KIAA1217: variants seen among roughly 807,000 people sequenced by gnomAD.
KIAA1217 encodes KIAA1217.
Under a neutral mutation model 163.9 loss-of-function variants are expected in KIAA1217, and 88 were observed. That is an observed-to-expected ratio of 0.54 (90% confidence interval 0.45 to 0.64). KIAA1217 has a LOEUF of 0.64. Ranked by LOEUF, KIAA1217 falls within the 30% of genes least tolerant of loss-of-function variation. KIAA1217 has a pLI of 0.00. For synonymous variants in KIAA1217, 903 were observed against 923.1 expected (o/e 0.98, Z 0.39); for missense variants, 2,372 against 2,475.0 (o/e 0.96, Z 0.88).
intron 2 of KIAA1217, among the ~76,000 whole-genome samples, chr10:24,026,880 CTA>C (rs1847978412): frequency 6.6e-6 from 1 of 150,716 alleles, no homozygotes; most frequent in South Asian, 2.1e-4. Context: ...ATGGTATAAG[CTA>C]TATAATATCA....
intron 1 of KIAA1217, among the ~76,000 whole-genome samples, chr10:23,785,346 C>T (rs199563700): frequency 6.6e-6 from 1 of 152,116 alleles, no homozygotes; most frequent in East Asian, 1.9e-4. Flanking sequence ...TGTTCCCTCA[C>T]CTGCAGAATC....
At chr10:23,977,016 T>C (rs1845570790) in intron 1 of KIAA1217, among the ~76,000 whole-genome samples, 2 of 152,224 alleles carry the variant, frequency 1.3e-5, no homozygotes, top group South Asian at 4.1e-4. Flanking sequence ...AAGATGATTA[T>C]GACTTTTAGT....
intron 1 of KIAA1217, among the ~76,000 whole-genome samples, chr10:23,954,781 G>C (rs1297688064): frequency 6.6e-6 from 1 of 152,170 alleles, no homozygotes; most frequent in Non-Finnish European, 1.5e-5. Context: ...TCAGTTTGCA[G>C]ATAAGAAAAC....
chr10:23,723,296 C>T (rs1207728739), intron 1 of KIAA1217, among the ~76,000 whole-genome samples: 2 of 152,094 alleles, frequency 1.3e-5, no homozygotes, highest in Non-Finnish European at 2.9e-5. Context: ...GCTTCTCTAG[C>T]TCTCTTTGTC....
chr10:24,041,016 G>A (rs988066991), intron 2 of KIAA1217, among the ~76,000 whole-genome samples: 10 of 152,320 alleles, frequency 6.6e-5, no homozygotes, highest in South Asian at 4.1e-4. Flanking sequence ...TCCTGTTCCC[G>A]TTGATTCCAA....
rs141001015 is a variant in KIAA1217 at position 24,074,385 on chromosome 10, A to G, written c.-171+67011A>G. Among the ~76,000 whole-genome samples the G allele has an allele frequency of 4.4e-3, 665 of 152,186 alleles. 8 individuals carry two copies. The highest frequency in any genetic ancestry group is 0.016 in the African/African-American group (648 of 41,544). On this transcript the variant is annotated intron_variant, in intron 2 of 18. Coordinates refer to the KIAA1217 transcript ENST00000376462. ...AACAACAACAAAAACCAACAACAAA[A>G]AAAAACACCTAACTTTAAAACGTGC...
rs566981467 is a variant in KIAA1217, at chr10:23,853,183, G to A, written c.-320-154042G>A. Among the ~76,000 whole-genome samples the A allele has an allele frequency of 4.6e-5, 7 of 152,230 alleles. 1 individual carries two copies. The South Asian group carries it at 6.2e-4, about 14-fold the overall frequency. On this transcript the variant is annotated intron_variant, in intron 1 of 18. Transcript: ENST00000376462. ...GATAGCTCTTATTATTTTGAGATAC[G>A]TCCCATCAATACCTAATTTTTTGAG...
intron 10 of KIAA1217, 32 bp from the exon 11 acceptor site, chr10:24,520,091 A>C: frequency 1.2e-6 from 2 of 1,601,078 alleles, no homozygotes; most frequent in Non-Finnish European, 1.7e-6. Context: ...CCTCGTGTTC[A>C]GCTCTATGTG....
intron 10 of KIAA1217, among the ~76,000 whole-genome samples, chr10:24,516,668 C>G (rs1360993205): frequency 6.6e-6 from 1 of 152,166 alleles, no homozygotes; most frequent in African/African-American, 2.4e-5. Flanking sequence ...CTCTGGTGAT[C>G]ATGTGCCGGA....
intron 2 of KIAA1217, among the ~76,000 whole-genome samples, chr10:24,290,023 G>A (rs2078939234): frequency 6.6e-6 from 1 of 152,190 alleles, no homozygotes; most frequent in Non-Finnish European, 1.5e-5. Flanking sequence ...TAGAGCAACA[G>A]TTCCGAGTGA....
chr10:24,268,688 A>G lies in KIAA1217; in HGVS notation c.354+48779A>G, dbSNP rs920018188. Among the ~76,000 whole-genome samples the G allele has an allele frequency of 8.0e-5, 7 of 87,780 alleles. 1 individual carries two copies. The highest frequency in any genetic ancestry group is 3.6e-4 in the African/African-American group (7 of 19,514). 57.6% of individuals were successfully genotyped at this position (87,780 alleles called of 152,430 possible). ...GATCTAGAACTAGAAATACCATTTG[A>G]CCCAGCCATCCCATTACTGGGTATA... is the stretch of plus-strand genomic sequence containing the variant. On this transcript the variant is annotated intron_variant, in intron 2 of 20. Transcript: ENST00000376454.
intron 1 of KIAA1217, among the ~76,000 whole-genome samples, chr10:23,805,687 G>T (rs1836700878): frequency 6.6e-6 from 1 of 151,978 alleles, no homozygotes; most frequent in Non-Finnish European, 1.5e-5. Flanking sequence ...GTTAAAAATA[G>T]AATTTCTCAG....
intron 2 of KIAA1217, among the ~76,000 whole-genome samples, chr10:24,055,019 C>G (rs1849787410): frequency 6.6e-6 from 1 of 152,116 alleles, no homozygotes; most frequent in Non-Finnish European, 1.5e-5. Flanking sequence ...ATAATCCTAG[C>G]ATTTTGGGAA....
At chr10:24,131,847 G>A (rs926016397) in intron 2 of KIAA1217, among the ~76,000 whole-genome samples, 15 of 152,166 alleles carry the variant, frequency 9.9e-5, no homozygotes, top group African/African-American at 3.6e-4. Context: ...AAAGTTCCTC[G>A]AAGAATTTCC....
intron 2 of KIAA1217, among the ~76,000 whole-genome samples, chr10:24,097,204 T>C (rs1454761557): frequency 6.6e-6 from 1 of 152,184 alleles, no homozygotes; most frequent in African/African-American, 2.4e-5. Context: ...GAAAAATTTA[T>C]AGGATCTGAT....
chr10:23,901,161 C>A (rs1225302647), intron 1 of KIAA1217, among the ~76,000 whole-genome samples: 2 of 151,954 alleles, frequency 1.3e-5, no homozygotes, highest in African/African-American at 4.8e-5. Flanking sequence ...TATTTGCTAC[C>A]AACCTATAAA....
chr10:23,916,387 G>T (rs1017313495), intron 1 of KIAA1217, among the ~76,000 whole-genome samples: 1 of 152,084 alleles, frequency 6.6e-6, no homozygotes, highest in African/African-American at 2.4e-5. Context: ...TTCACAGCCC[G>T]GCTCAGTTGG....
chr10:24,082,046 G>A (rs144016259), intron 2 of KIAA1217, among the ~76,000 whole-genome samples: 12 of 152,274 alleles, frequency 7.9e-5, no homozygotes, highest in African/African-American at 2.9e-4. Context: ...TGTCGCTGGA[G>A]GTTGTAAGGG....
At chr10:23,698,909 CA>C (rs1212764412) in intron 1 of KIAA1217, among the ~76,000 whole-genome samples, 1 of 152,196 alleles carries the variant, frequency 6.6e-6, no homozygotes, top group Non-Finnish European at 1.5e-5. Flanking sequence ...CTCAGCCTCC[CA>C]AGTAGCTAGG....
Sources: allele counts gnomAD v4.1 joint callset (sites outside exome capture counted in the v4.1 genomes callset), GRCh38; gene constraint gnomAD v4.1.1; transcripts MANE v1.5; gene names NCBI Gene and HGNC (gene_info 2026-07-23, HGNC 2026-07-21).